The following SLC2A13 variants were observed in gnomAD, a reference collection of about 807,000 sequenced individuals.
The protein encoded by SLC2A13 is proton myo-inositol cotransporter.
Under a neutral mutation model 64.4 loss-of-function variants are expected in SLC2A13, and 32 were observed. That is an observed-to-expected ratio of 0.50 (90% confidence interval 0.37 to 0.67). SLC2A13 has a LOEUF of 0.67. Ranked by LOEUF, SLC2A13 falls within the 30% of genes least tolerant of loss-of-function variation. The pLI, the probability that SLC2A13 is intolerant of heterozygous loss-of-function variation, is 0.00. For synonymous variants in SLC2A13, 338 were observed against 327.1 expected (o/e 1.03, Z -0.36); for missense variants, 743 against 829.2 (o/e 0.90, Z 1.28).
intron 3 of SLC2A13, among the ~76,000 whole-genome samples, chr12:40,018,026 A>G (rs946764039): frequency 1.3e-5 from 2 of 152,028 alleles, no homozygotes; most frequent in Admixed American, 1.3e-4. Flanking sequence ...AAGAACGTGA[A>G]TAGCATCCTC....
intron 3 of SLC2A13, among the ~76,000 whole-genome samples, chr12:39,963,282 G>A (rs28370613): frequency 0.066 from 4,623 of 70,104 alleles, 113 homozygotes; most frequent in South Asian, 0.094. Context: ...GCGAGACTCC[G>A]TCTCAAAAAA....
rs1305084573 is a variant in SLC2A13 at position 39,848,782 on chromosome 12, C to T, written c.1319+15980G>A. On this transcript the variant is annotated intron_variant, in intron 6 of 9. Coordinates refer to ENST00000280871, the MANE Select transcript of SLC2A13 (RefSeq NM_052885.4). ...ACATGGACTCAACATAAATGCCCTTCAATGAAAGACTGGATAAAGAAAATG... is the reference window on the plus strand; with the variant it reads ...ACATGGACTCAACATAAATGCCCTTTAATGAAAGACTGGATAAAGAAAATG... Among the ~76,000 whole-genome samples the T allele has an allele frequency of 1.6e-4, 25 of 152,102 alleles. 1 individual carries two copies. The highest frequency in any genetic ancestry group is 1.6e-3 in the Admixed American group (25 of 15,256).
intron 3 of SLC2A13, among the ~76,000 whole-genome samples, chr12:39,981,434 C>T (rs1946894545): frequency 1.3e-5 from 2 of 151,276 alleles, no homozygotes; most frequent in East Asian, 1.9e-4. Context: ...GCTAGCAAGA[C>T]TAATAAAGAA....
chr12:40,031,609 G>C (rs1014792988), intron 2 of SLC2A13, among the ~76,000 whole-genome samples: 2 of 152,190 alleles, frequency 1.3e-5, no homozygotes, highest in African/African-American at 2.4e-5. Context: ...CCAAGGCAGA[G>C]AGGATGCTCG....
rs1052471743 is a variant in SLC2A13, at chr12:39,757,957, TTATTA to T, written c.*2064_*2068del. The T allele has an allele frequency of 6.6e-6, 1 of 152,172 alleles. No homozygotes were observed. Among genetic ancestry groups the T allele is most frequent in the Non-Finnish European group, 1.5e-5 (1 of 67,668 alleles). The allele number at this position is 152,172 out of a possible 1,614,324, so 9.4% of individuals were successfully genotyped here. A position where few individuals can be genotyped will look rare whatever the true frequency, so the allele number is the denominator to read the frequency against. ...CACTTTATTGGTCTACTTTTTCTCC[TTATTA>T]TATTTTGATTGTACCATATAGTAGC... On this transcript the variant is annotated 3_prime_UTR_variant, in exon 10 of 10. Transcript: ENST00000280871.
intron 7 of SLC2A13, among the ~76,000 whole-genome samples, chr12:39,765,409 C>T (rs1000412888): frequency 1.1e-4 from 17 of 152,020 alleles, no homozygotes; most frequent in African/African-American, 4.1e-4. Context: ...ATGACCTTGC[C>T]TTCTTAATCC....
At chr12:39,885,307 G>T (rs766393728) in intron 4 of SLC2A13, among the ~76,000 whole-genome samples, 1 of 152,180 alleles carries the variant, frequency 6.6e-6, no homozygotes, top group Non-Finnish European at 1.5e-5. Context: ...CCGATGAAAA[G>T]AGTGGGCTTG....
chr12:39,962,915 C>T (rs1278619548), intron 3 of SLC2A13, among the ~76,000 whole-genome samples: 2 of 152,184 alleles, frequency 1.3e-5, no homozygotes, highest in Non-Finnish European at 2.9e-5. Flanking sequence ...ATATATCCCA[C>T]ATTAATTCAA....
intron 4 of SLC2A13, among the ~76,000 whole-genome samples, chr12:39,906,095 C>G (rs904069029): frequency 1.4e-5 from 2 of 148,084 alleles, no homozygotes; most frequent in Non-Finnish European, 3.0e-5. Context: ...TAAAATTCAC[C>G]TATGTTGGAC....
chr12:40,001,314 T>C (rs575694526), intron 3 of SLC2A13, among the ~76,000 whole-genome samples: 5 of 152,290 alleles, frequency 3.3e-5, no homozygotes, highest in East Asian at 1.9e-4. Context: ...AAGTGAGCTA[T>C]AAAAAAGACA....
intron 3 of SLC2A13, among the ~76,000 whole-genome samples, chr12:39,959,619 A>C (rs1304540299): frequency 6.6e-6 from 1 of 152,204 alleles, no homozygotes; most frequent in Non-Finnish European, 1.5e-5. Context: ...TTTCTTTGTC[A>C]AAAGTATCTA....
intron 7 of SLC2A13, among the ~76,000 whole-genome samples, chr12:39,811,910 T>C (rs1262243919): frequency 6.6e-6 from 1 of 152,240 alleles, no homozygotes; most frequent in Non-Finnish European, 1.5e-5. Flanking sequence ...TTCTGTCTTT[T>C]ATTGGAGTTT....
At position 39,964,752 on chromosome 12, in the gene SLC2A13, AT is replaced by A. The variant is rs998522382; in HGVS notation, c.926-13388del. On this transcript the variant is annotated intron_variant, in intron 3 of 9. Coordinates refer to ENST00000280871, the MANE Select transcript of SLC2A13 (RefSeq NM_052885.4). ...TTTCTCATAAAGACAATCCCATCATATCCTATGTCATAGCATATAAATAAAA... is the reference window on the plus strand; with the variant it reads ...TTTCTCATAAAGACAATCCCATCATACCTATGTCATAGCATATAAATAAAA... Among the ~76,000 whole-genome samples the A allele has an allele frequency of 1.0e-3, 153 of 152,298 alleles. 1 individual carries two copies. Among genetic ancestry groups the A allele is most frequent in the African/African-American group, 3.4e-3 (140 of 41,562 alleles).
At chr12:40,064,307 A>G (rs1475948168) in intron 1 of SLC2A13, among the ~76,000 whole-genome samples, 1 of 152,100 alleles carries the variant, frequency 6.6e-6, no homozygotes, top group Non-Finnish European at 1.5e-5. Flanking sequence ...ATGTATACTC[A>G]CGCATACATA....
chr12:39,832,010 T>G (rs542337285), intron 6 of SLC2A13, among the ~76,000 whole-genome samples: 8 of 152,284 alleles, frequency 5.3e-5, no homozygotes, highest in Middle Eastern at 6.8e-3. Context: ...TTGTTATCAT[T>G]TCAGCCTTCT....
At chr12:39,986,601 G>T (rs999370277) in intron 3 of SLC2A13, among the ~76,000 whole-genome samples, 1 of 151,478 alleles carries the variant, frequency 6.6e-6, no homozygotes, top group Non-Finnish European at 1.5e-5. Context: ...GTGACTGATT[G>T]CTATAAAACT....
intron 3 of SLC2A13, among the ~76,000 whole-genome samples, chr12:39,958,371 A>G (rs956577519): frequency 6.6e-6 from 1 of 152,202 alleles, no homozygotes; most frequent in African/African-American, 2.4e-5. Flanking sequence ...CAATGTAGCC[A>G]CTGTGAGATT....
intron 3 of SLC2A13, among the ~76,000 whole-genome samples, chr12:39,985,857 G>A (rs192562812): frequency 0.011 from 1,615 of 152,062 alleles, 12 homozygotes; most frequent in Non-Finnish European, 0.017. Flanking sequence ...GTCATGATAC[G>A]AAAAATGGAG....
chr12:40,084,923 G>A (rs774420680), intron 1 of SLC2A13, among the ~76,000 whole-genome samples: 10 of 152,106 alleles, frequency 6.6e-5, no homozygotes, highest in Admixed American at 5.9e-4. Context: ...ACCAAGGCAG[G>A]ATTAGATGGT....
Sources: gnomAD v4.1 joint callset for allele counts (sites outside exome capture counted in the v4.1 genomes callset) on GRCh38, gnomAD v4.1.1 for gene constraint, MANE v1.5 for transcripts, NCBI Gene and HGNC (gene_info 2026-07-23, HGNC 2026-07-21) for gene names.